The following RNASEL variants were observed in gnomAD, a reference collection of about 807,000 sequenced individuals.
RNASEL encodes ribonuclease L, also known as 2-5A-dependent ribonuclease.
RNASEL carries 36 observed loss-of-function variants against 50.9 expected under a neutral mutation model. The observed-to-expected ratio is 0.71, with a 90% CI of 0.54 to 0.93. The LOEUF (loss-of-function observed/expected upper bound fraction) is 0.93. RNASEL is among the 40% of genes least tolerant of loss of function. The probability of loss-of-function intolerance (pLI) is 0.00; values close to 1 mark genes in which losing one functional copy is unlikely to be tolerated. For synonymous variants in RNASEL, 335 were observed against 335.6 expected, an observed-to-expected ratio of 1.00 and a Z score of 0.02; for missense variants, 860 against 894.5, an observed-to-expected ratio of 0.96 and a Z score of 0.49.
rs202082263 is a variant in RNASEL, at chr1:182,576,426, A to C, written c.1906-37T>G. The C allele has an allele frequency of 2.0e-3, 3,019 of 1,481,980 alleles. 7 individuals carry two copies. The highest frequency in any genetic ancestry group is 2.6e-3 in the Non-Finnish European group (2,793 of 1,071,546). The allele number at this position is 1,481,980 out of a possible 1,614,324, so 91.8% of individuals were successfully genotyped here. On this transcript the variant is annotated intron_variant, in intron 5 of 6. Transcript: ENST00000367559. ...AAAAATAACACAAAAATGTGGTAGC[A>C]ACACAAAATAAATCCTGATGAAATA...
In RNASEL at chr1:182,585,996, T is replaced by C; in HGVS notation, c.811A>G (p.Ser271Gly). 6.2e-7 allele frequency: 1 copy of C among 1,614,136 alleles called. No individual in the cohort carries two copies. The highest frequency in any genetic ancestry group is 8.5e-7 in the Non-Finnish European group (1 of 1,180,032). ...AGCAGCAGTGCTGTTTTGCCATCAC[T>C]GTCTGTGTCATTAATCTCTATGTGC... ...QEHIEINDTD[S>G]DGKTALLLAV... The change falls in exon 2 of 7, where the codon AGT becomes GGT. Residue 271 changes from serine to glycine, a missense_variant. Transcript: ENST00000367559.
At chr1:182,588,458 T>C (rs1558479282) in intron 1 of RNASEL, among the ~76,000 whole-genome samples, 2 of 152,234 alleles carry the variant, frequency 1.3e-5, no homozygotes, top group Admixed American at 1.3e-4. Context: ...TCCCTACACA[T>C]GTGCATATAG....
Position 182,575,146 on chromosome 1 carries a change from A to G in RNASEL, c.*246T>C, listed in dbSNP as rs1485500718. The G allele has an allele frequency of 1.1e-5, 6 of 540,852 alleles. No homozygotes were observed. The highest frequency in any genetic ancestry group is 3.8e-5 in the African/African-American group (2 of 52,958). The allele number at this position is 540,852 out of a possible 1,614,324, so 33.5% of individuals were successfully genotyped here. ...TCAAGGCACTCATTCTTTTGGTGCA[A>G]TTGACAAAAGGAATCTTAGCAGAAT... On this transcript the variant is annotated 3_prime_UTR_variant, in exon 7 of 7. Transcript: ENST00000367559.
chr1:182,579,774 C>T, intron 5 of RNASEL: 2 of 1,158,498 alleles, frequency 1.7e-6, no homozygotes, highest in Non-Finnish European at 2.2e-6. Context: ...TTCCTCTTTC[C>T]AGGTCTGCCA....
In RNASEL at chr1:182,575,338, G is replaced by T. The variant is rs572299031; in HGVS notation, c.*54C>A. The T allele has an allele frequency of 4.7e-4, 740 of 1,580,066 alleles. No individual in the cohort carries two copies. The highest frequency in any genetic ancestry group is 5.9e-4 in the Non-Finnish European group (679 of 1,150,446). The stretch of plus-strand genomic sequence containing the variant: ...TAAAAGGCCCAGAATGTTGTGATTT[G>T]CCAAGGACTCTACAGCTAATAAGTA... On this transcript the variant is annotated 3_prime_UTR_variant, in exon 7 of 7. Transcript: ENST00000367559.
chr1:182,587,790 T>A (rs1462106280), intron 1 of RNASEL, among the ~76,000 whole-genome samples: 3 of 152,222 alleles, frequency 2.0e-5, no homozygotes, highest in Non-Finnish European at 4.4e-5. Flanking sequence ...GTCCTCTTTG[T>A]ACAACCCTGT....
chr1:182,579,886 G>GT, intron 5 of RNASEL: 1 of 487,162 alleles, frequency 2.1e-6, no homozygotes, highest in Non-Finnish European at 3.9e-6. Context: ...ACAGCTTCAT[G>GT]TAGTGGTGTG....
chr1:182,579,346 T>C (rs1251660787), intron 5 of RNASEL: 4 of 988,858 alleles, frequency 4.0e-6, no homozygotes, highest in Non-Finnish European at 3.6e-6. Context: ...GAGCCATAGA[T>C]GGCTCTCATA....
intron 3 of RNASEL, among the ~76,000 whole-genome samples, chr1:182,582,702 G>C (rs1241302985): frequency 6.6e-6 from 1 of 152,182 alleles, no homozygotes; most frequent in East Asian, 1.9e-4. Flanking sequence ...CCAGGGATTA[G>C]GCCGTGGCCA....
chr1:182,577,491 T>A (rs1458852751), intron 5 of RNASEL, among the ~76,000 whole-genome samples: 1 of 152,196 alleles, frequency 6.6e-6, no homozygotes, highest in Non-Finnish European at 1.5e-5. Context: ...TTTTGTTTGT[T>A]TGTTTTTGTT....
At chr1:182,582,397 A>G in intron 3 of RNASEL, 139 bp from the exon 4 acceptor site, 1 of 967,818 alleles carries the variant, frequency 1.0e-6, no homozygotes, top group African/African-American at 1.6e-5. Context: ...GAGGGAAGGC[A>G]CAGATGTGTG....
chr1:182,579,512 C>A, intron 5 of RNASEL: 1 of 1,091,754 alleles, frequency 9.2e-7, no homozygotes, highest in African/African-American at 1.7e-5. Flanking sequence ...AAACGCCAAG[C>A]ACGTATGTGT....
intron 6 of RNASEL, among the ~76,000 whole-genome samples, chr1:182,575,780 G>T (rs2102362351): frequency 6.6e-6 from 1 of 152,286 alleles, no homozygotes; most frequent in Middle Eastern, 3.4e-3. Context: ...CTGAACTTTA[G>T]ATTGTTCTTT....
Position 182,575,420 on chromosome 1 carries a change from GC to G in RNASEL, c.2197del (p.Ala733ProfsTer45), listed in dbSNP as rs1236139290. 5 of 1,614,000 alleles carry G rather than the reference GC, an allele frequency of 3.1e-6. No individual in the cohort carries two copies. Among genetic ancestry groups the G allele is most frequent in the Non-Finnish European group, 4.2e-6 (5 of 1,180,024 alleles). ...NKPQCDGAGG[A>X]SGLASPGC ...GCACCCAGGGCTGGCCAACCCACTG[GC>G]CCCACCAGCTCCATCACACTGAGGC... On this transcript the variant is annotated frameshift_variant, in exon 7 of 7. Transcript: ENST00000367559. LOFTEE classifies it low-confidence loss of function (END_TRUNC).
In RNASEL at chr1:182,584,186, G is replaced by C; in HGVS notation, c.1481-20C>G. 6 of 1,544,694 alleles carry C rather than the reference G, an allele frequency of 3.9e-6. No homozygotes were observed. Among genetic ancestry groups the C allele is most frequent in the South Asian group, 1.1e-5 (1 of 89,684 alleles). On this transcript the variant is annotated intron_variant, in intron 2 of 6. Transcript: ENST00000367559. The stretch of plus-strand genomic sequence containing the variant: ...TAGAATCTAAGGAAAAGTTTGCAGA[G>C]GCACATTGAAAATACTCATTCTCCA...
Position 182,585,937 on chromosome 1 carries a change from C to T in RNASEL, c.870G>A (p.Glu290=), listed in dbSNP as rs2102370971. 1 of 1,614,194 alleles carries T rather than the reference C, an allele frequency of 6.2e-7. No individual in the cohort carries two copies. Among genetic ancestry groups the T allele is most frequent in the Non-Finnish European group, 8.5e-7 (1 of 1,180,034 alleles). ...AVELKLKKIA[E]LLCKRGASTD... is the part of the protein sequence containing the mutation. ...TACTGGCTCCACGTTTGCACAGCAACTCGGCGATTTTCTTCAGTTTGAGTT... is the reference window on the plus strand; with the variant it reads ...TACTGGCTCCACGTTTGCACAGCAATTCGGCGATTTTCTTCAGTTTGAGTT... Residue 290 remains glutamate, a synonymous_variant, in exon 2 of 7, where the codon GAG becomes GAA. Transcript: ENST00000367559.
chr1:182,576,154 A>G, intron 6 of RNASEL, 102 bp downstream of exon 6: 2 of 1,244,196 alleles, frequency 1.6e-6, no homozygotes, highest in Admixed American at 2.1e-5. Context: ...TCTTTCATCA[A>G]AATAAATTTT....
At chr1:182,583,143 T>A (rs1196554134) in intron 3 of RNASEL, among the ~76,000 whole-genome samples, 1 of 152,146 alleles carries the variant, frequency 6.6e-6, no homozygotes, top group Non-Finnish European at 1.5e-5. Context: ...AAATAACTCC[T>A]CAATGAATAT....
intron 5 of RNASEL, chr1:182,578,287 A>G (rs1435618030): frequency 6.6e-6 from 1 of 152,258 alleles, no homozygotes. Context: ...CTTAACAATA[A>G]AAAATAATAA....
Sources: allele counts gnomAD v4.1 joint callset (sites outside exome capture counted in the v4.1 genomes callset), GRCh38; gene constraint gnomAD v4.1.1; transcripts MANE v1.5; gene names NCBI Gene and HGNC (gene_info 2026-07-23, HGNC 2026-07-21).